Variants in DPP10 observed in about 807,000 individuals in gnomAD.
The protein encoded by DPP10 is inactive dipeptidyl peptidase 10.
DPP10 carries 33 observed loss-of-function variants against 120.9 expected under a neutral mutation model. The observed-to-expected ratio is 0.27, with a 90% CI of 0.21 to 0.37. The LOEUF (loss-of-function observed/expected upper bound fraction) is 0.37. DPP10 is among the 10% of genes least tolerant of loss of function. The pLI, the probability that DPP10 is intolerant of heterozygous loss-of-function variation, is 1.00. For missense variants in DPP10, 816 were observed against 942.8 expected (o/e 0.87, Z 1.76); for synonymous variants, 337 against 326.1 (o/e 1.03, Z -0.36).
intron 1 of DPP10, among the ~76,000 whole-genome samples, chr2:115,216,925 CTATG>C (rs1267640299): frequency 3.3e-5 from 5 of 151,286 alleles, no homozygotes; most frequent in African/African-American, 1.2e-4. Context: ...GTATATATGT[CTATG>C]TATATTTGTC....
intron 5 of DPP10, among the ~76,000 whole-genome samples, chr2:115,560,566 C>A (rs780675340): frequency 6.7e-6 from 1 of 148,696 alleles, no homozygotes; most frequent in East Asian, 2.0e-4. Context: ...CTATTCCCCC[C>A]ACCCCCGACC....
At chr2:114,777,204 A>G (rs1681829537) in intron 1 of DPP10, among the ~76,000 whole-genome samples, 1 of 152,116 alleles carries the variant, frequency 6.6e-6, no homozygotes, top group Non-Finnish European at 1.5e-5. Flanking sequence ...TCTTCTTAGA[A>G]TAAGAAAAGA....
intron 8 of DPP10, among the ~76,000 whole-genome samples, chr2:115,733,135 G>A (rs991432975): frequency 6.6e-5 from 10 of 152,006 alleles, no homozygotes; most frequent in Non-Finnish European, 1.0e-4. Flanking sequence ...AAAAATTCAC[G>A]AGATAAGCAA....
intron 3 of DPP10, among the ~76,000 whole-genome samples, chr2:115,486,826 T>C (rs1405967121): frequency 6.6e-6 from 1 of 152,154 alleles, no homozygotes; most frequent in Non-Finnish European, 1.5e-5. Flanking sequence ...ATTCACATTT[T>C]AGCTACAAAT....
chr2:115,067,037 T>C (rs538630630), intron 1 of DPP10, among the ~76,000 whole-genome samples: 1 of 149,548 alleles, frequency 6.7e-6, no homozygotes, highest in African/African-American at 2.6e-5. Context: ...TGCAACTTTA[T>C]GTCATTTTAC....
rs1573841309 is a variant in DPP10 at position 114,632,680 on chromosome 2, T to A, written c.60+189842T>A. 2.0e-5 allele frequency among the ~76,000 whole-genome samples: 3 copies of A among 151,844 alleles called. 1 individual carries two copies. The highest frequency in any genetic ancestry group is 7.2e-5 in the African/African-American group (3 of 41,418). On this transcript the variant is annotated intron_variant, in intron 1 of 25. Transcript: ENST00000410059. ...GGCTCCCACCACCATGCCCAGCTAA[T>A]TTTTTGTATTTTTAGTAGAGACAGA...
intron 1 of DPP10, among the ~76,000 whole-genome samples, chr2:115,093,872 G>A (rs1040752474): frequency 6.6e-6 from 1 of 152,030 alleles, no homozygotes; most frequent in African/African-American, 2.4e-5. Flanking sequence ...AGGCACATGT[G>A]TGAACCACTT....
intron 1 of DPP10, among the ~76,000 whole-genome samples, chr2:114,931,387 T>G (rs1211211953): frequency 6.6e-6 from 1 of 152,080 alleles, no homozygotes; most frequent in Non-Finnish European, 1.5e-5. Context: ...TGGGCAGAGA[T>G]CACACACTGA....
At chr2:115,415,489 T>A (rs1451460039) in intron 3 of DPP10, among the ~76,000 whole-genome samples, 1 of 151,986 alleles carries the variant, frequency 6.6e-6, no homozygotes, top group Non-Finnish European at 1.5e-5. Context: ...AAACTGAAAA[T>A]GGGAAGTAAC....
At chr2:115,621,799 T>A (rs966797402) in intron 5 of DPP10, among the ~76,000 whole-genome samples, 2 of 152,094 alleles carry the variant, frequency 1.3e-5, no homozygotes, top group Non-Finnish European at 2.9e-5. Context: ...CCCCTCAGAT[T>A]CCCAAGTAGC....
At chr2:114,694,009 A>G (rs191105849) in intron 1 of DPP10, among the ~76,000 whole-genome samples, 11 of 152,060 alleles carry the variant, frequency 7.2e-5, no homozygotes, top group Admixed American at 5.9e-4. Context: ...GACCAATAAT[A>G]TTATTTTCTA....
intron 1 of DPP10, among the ~76,000 whole-genome samples, chr2:114,514,771 T>G (rs1469328806): frequency 7.1e-6 from 1 of 141,550 alleles, no homozygotes; most frequent in Non-Finnish European, 1.5e-5. Flanking sequence ...TTTTTTCTGG[T>G]TTTTTTTTTT....
At chr2:115,335,347 A>G (rs1028240542) in intron 2 of DPP10, among the ~76,000 whole-genome samples, 6 of 152,004 alleles carry the variant, frequency 3.9e-5, no homozygotes, top group African/African-American at 4.8e-5. Context: ...TATTTTTTTA[A>G]TGTACATTAA....
At chr2:114,968,508 T>C (rs1699186434) in intron 1 of DPP10, among the ~76,000 whole-genome samples, 1 of 152,214 alleles carries the variant, frequency 6.6e-6, no homozygotes, top group Non-Finnish European at 1.5e-5. Flanking sequence ...GCAGTCACTA[T>C]ATGTTCTTGG....
chr2:115,058,561 G>A (rs1706131933), intron 1 of DPP10, among the ~76,000 whole-genome samples: 1 of 151,954 alleles, frequency 6.6e-6, no homozygotes, highest in Non-Finnish European at 1.5e-5. Flanking sequence ...CACCACGCCC[G>A]GCTAATTTTT....
chr2:115,721,430 A>G (rs1158157015), intron 7 of DPP10, among the ~76,000 whole-genome samples: 1 of 152,194 alleles, frequency 6.6e-6, no homozygotes, highest in African/African-American at 2.4e-5. Context: ...CATCATATGT[A>G]TATTATCACA....
rs186705902 is a variant in DPP10 at position 114,784,564 on chromosome 2, C to T, written c.60+341726C>T. Among the ~76,000 whole-genome samples the T allele has an allele frequency of 1.3e-4, 20 of 152,158 alleles. No individual in the cohort carries two copies. The East Asian group carries it at 1.4e-3, about 10-fold the overall frequency. On this transcript the variant is annotated intron_variant, in intron 1 of 25. Coordinates refer to ENST00000410059, the MANE Select transcript of DPP10 (RefSeq NM_020868.6). ...CCAGAGAGCACATGGTTGATCCAAA[C>T]GGGCTAATCTCTAATGCTGGAATTC...
At chr2:115,516,459 A>G (rs2077506663) in intron 4 of DPP10, among the ~76,000 whole-genome samples, 1 of 145,830 alleles carries the variant, frequency 6.9e-6, no homozygotes. Flanking sequence ...TAAACAGGAA[A>G]CAGCAAATCA....
chr2:115,561,736 T>C (rs1339618190), intron 5 of DPP10, among the ~76,000 whole-genome samples: 2 of 152,224 alleles, frequency 1.3e-5, no homozygotes, highest in Non-Finnish European at 2.9e-5. Context: ...ATTATTGATT[T>C]TCTTCTTAAT....
Sources: allele counts gnomAD v4.1 joint callset (sites outside exome capture counted in the v4.1 genomes callset), GRCh38; gene constraint gnomAD v4.1.1; transcripts MANE v1.5; gene names NCBI Gene and HGNC (gene_info 2026-07-23, HGNC 2026-07-21).